Variants in AP3B2 observed in about 807,000 individuals in gnomAD.
AP3B2 encodes the protein adaptor related protein complex 3 subunit beta 2, also known as AP-3 complex subunit beta-2.
A neutral mutation model predicts 126.9 loss-of-function variants in AP3B2; 50 were observed. The observed-to-expected ratio is 0.39, with a 90% confidence interval of 0.31 to 0.50. The LOEUF is 0.50. Ranked by LOEUF, AP3B2 falls within the 20% of genes least tolerant of loss-of-function variation. The pLI is 0.79. For synonymous variants in AP3B2, 541 were observed against 565.0 expected (o/e 0.96, Z 0.60); for missense variants, 1,177 against 1,426.4 (o/e 0.83, Z 2.82).
Position 82,689,185 on chromosome 15 carries a change from C to T in AP3B2, c.237G>A (p.Val79=). 6.2e-7 allele frequency: 1 copy of T among 1,613,988 alleles called. No homozygotes were observed. Among genetic ancestry groups the T allele is most frequent in the Non-Finnish European group, 8.5e-7 (1 of 1,179,892 alleles). The change falls in exon 3 of 27, where the codon GTG becomes GTA. Residue 79 remains valine (V), a synonymous_variant. Coordinates refer to ENST00000535359, the MANE Select transcript of AP3B2 (RefSeq NM_001278512.2). ...CTATGTTCTTACAGGCCACGTTCTT[C>T]ACCACCGCGGGAAACAGGTCTGAAG... is the stretch of plus-strand genomic sequence containing the variant. The part of the protein sequence containing the change: ...KNASDLFPAV[V]KNVACKNIEV...
chr15:82,709,057 A>C (rs2048838070), intron 1 of AP3B2, among the ~76,000 whole-genome samples: 1 of 152,196 alleles, frequency 6.6e-6, no homozygotes, highest in Non-Finnish European at 1.5e-5. Flanking sequence ...GTGGAGCTGA[A>C]CTACAGGGGC....
chr15:82,705,221 G>A (rs1230635354), intron 1 of AP3B2, among the ~76,000 whole-genome samples: 5 of 151,134 alleles, frequency 3.3e-5, no homozygotes, highest in African/African-American at 9.7e-5. Flanking sequence ...CACCCTTACC[G>A]TGCTCAATGT....
In AP3B2 at chr15:82,665,966, GGAGGAGGGCAGCACAGGCCTGTGAGT is replaced by G. The variant is rs1337288444; in HGVS notation, c.1853-417_1853-392del. ...TCTGGATCAGAGTTGAGGCACTGCT[GGAGGAGGGCAGCACAGGCCTGTGAGT>G]GAGGATGGTGTCGGGGAGAAAGGGA... On this transcript the variant is annotated intron_variant, in intron 15 of 26. Coordinates refer to ENST00000535359, the MANE Select transcript of AP3B2 (RefSeq NM_001278512.2). This position sits in a 1 kb window ranked among gnomAD's most constrained non-coding sequence, Gnocchi z 4.4. 6.6e-6 allele frequency among the ~76,000 whole-genome samples: 1 copy of G among 152,180 alleles called. No individual in the cohort carries two copies. The highest frequency in any genetic ancestry group is 1.5e-5 in the Non-Finnish European group (1 of 68,008).
At chr15:82,663,026 C>T (rs948899410) in intron 22 of AP3B2, 101 bp downstream of exon 22, 12 of 1,486,876 alleles carry the variant, frequency 8.1e-6, no homozygotes, top group Non-Finnish European at 1.1e-5. Context: ...AAAGCTATCA[C>T]ATCCTCCATC....
chr15:82,680,577 C>T lies in AP3B2; in HGVS notation c.950G>A (p.Ser317Asn), dbSNP rs1310381151. The T allele has an allele frequency of 1.9e-6, 3 of 1,588,200 alleles. No individual in the cohort carries two copies. Among genetic ancestry groups the T allele is most frequent in the Non-Finnish European group, 1.7e-6 (2 of 1,174,202 alleles). The change falls in exon 8 of 27, where the codon AGC becomes AAC. Residue 317 changes from serine to asparagine, a missense_variant. Around this residue, in one of 5 missense-constraint regions of AP3B2, gnomAD observed 308 missense variants for 452.4 expected, o/e 0.68. Transcript: ENST00000535359. The surrounding 1 kb of genome is among the most constrained non-coding windows in gnomAD (Gnocchi z 6.1). The part of the protein sequence containing the change: ...RNTKPLLQSR[S>N]AAVVMAVAQL... ...CGCCACCGCCATCACCACCGCGGCG[C>T]TGCGGCTCTGCAGCAGGGGTTTGGT... is the stretch of plus-strand genomic sequence containing the variant.
rs199578774 is a variant in AP3B2 at position 82,689,179 on chromosome 15, G to A, written c.243C>T (p.Asn81=). 269 of 1,613,998 alleles carry A rather than the reference G, an allele frequency of 1.7e-4. No individual in the cohort carries two copies. Among genetic ancestry groups the A allele is most frequent in the Middle Eastern group, 4.9e-4 (3 of 6,062 alleles). ...TCACCTCTATGTTCTTACAGGCCAC[G>A]TTCTTCACCACCGCGGGAAACAGGT... ...ASDLFPAVVK[N]VACKNIEVKK... Residue 81 remains asparagine (N), a synonymous_variant, in exon 3 of 27, where the codon AAC becomes AAT. Transcript: ENST00000535359.
At chr15:82,701,461 C>G (rs539731703) in intron 1 of AP3B2, among the ~76,000 whole-genome samples, 1 of 152,270 alleles carries the variant, frequency 6.6e-6, no homozygotes, top group South Asian at 2.1e-4. Flanking sequence ...CTTCCTTGAA[C>G]TGAGTGAGGT....
intron 1 of AP3B2, among the ~76,000 whole-genome samples, chr15:82,700,691 G>A (rs11852237): frequency 1.3e-5 from 2 of 149,352 alleles, no homozygotes; most frequent in East Asian, 2.0e-4. Context: ...GAGCCACCGC[G>A]CCTGGCCTGG....
At chr15:82,704,529 G>A (rs1281418951) in intron 1 of AP3B2, among the ~76,000 whole-genome samples, 4 of 152,230 alleles carry the variant, frequency 2.6e-5, no homozygotes, top group African/African-American at 9.7e-5. Flanking sequence ...CTTGCTTCAA[G>A]TGCCAGAAAT....
intron 1 of AP3B2, among the ~76,000 whole-genome samples, chr15:82,707,951 C>T (rs190973875): frequency 1.3e-5 from 2 of 152,294 alleles, no homozygotes; most frequent in East Asian, 1.9e-4. Flanking sequence ...TACCACCCCC[C>T]GCCAAAATGT....
At chr15:82,689,092 A>T in intron 3 of AP3B2, 66 bp downstream of exon 3, 1 of 1,564,562 alleles carries the variant, frequency 6.4e-7, no homozygotes, top group South Asian at 1.1e-5. Flanking sequence ...TTCCTTCCTC[A>T]CCCCAAGCTT....
At chr15:82,678,976 C>G (rs974348117) in intron 10 of AP3B2, among the ~76,000 whole-genome samples, 2 of 152,116 alleles carry the variant, frequency 1.3e-5, no homozygotes, top group African/African-American at 4.8e-5. Flanking sequence ...TATGGGCTCC[C>G]GCCACTTTCC....
At chr15:82,678,267 A>G in intron 10 of AP3B2, 100 bp from the exon 11 acceptor site, 1 of 1,134,668 alleles carries the variant, frequency 8.8e-7, no homozygotes, top group Non-Finnish European at 1.3e-6. Flanking sequence ...AACAATCCTC[A>G]TGACAGCCCT....
chr15:82,659,837 C>G lies in AP3B2; in HGVS notation c.3155+8G>C. ...CTCATCATTTCCCCTCTACTGGTGG[C>G]CTAGTACCTGTACTCATCAGATGTC... On this transcript the variant is annotated splice_region_variant and intron_variant, in intron 26 of 26. Coordinates refer to ENST00000535359, the MANE Select transcript of AP3B2 (RefSeq NM_001278512.2). 6.2e-7 allele frequency: 1 copy of G among 1,613,854 alleles called. No individual in the cohort carries two copies. The highest frequency in any genetic ancestry group is 1.1e-5 in the South Asian group (1 of 91,074).
At chr15:82,662,044 G>T in intron 24 of AP3B2, 122 bp from the exon 25 acceptor site, 1 of 1,297,484 alleles carries the variant, frequency 7.7e-7, no homozygotes, top group Non-Finnish European at 1.1e-6. Flanking sequence ...GAGGGCCTGA[G>T]ATGGCTTCCA....
rs1373800104 is a variant in AP3B2 at position 82,666,899 on chromosome 15, G to A, written c.1700C>T (p.Ala567Val). The A allele has an allele frequency of 6.2e-7, 1 of 1,613,726 alleles. No homozygotes were observed. The highest frequency in any genetic ancestry group is 8.5e-7 in the Non-Finnish European group (1 of 1,179,804). Residue 567 changes from alanine (A) to valine (V), a missense_variant, in exon 15 of 27, where the codon GCC (alanine) becomes GTC (valine). This residue lies in a region of AP3B2 where 308 missense variants were observed against 452.4 expected (regional missense o/e 0.68). Transcript: ENST00000535359. ...AATATCATAGTTCTGGTCATATTTG[G>A]CCAGACTCAGCACATACTGGGTCAG... ...KLLTQYVLSL[A>V]KYDQNYDIRD...
At chr15:82,676,702 C>G in intron 13 of AP3B2, 65 bp from the exon 14 acceptor site, 4 of 1,539,346 alleles carry the variant, frequency 2.6e-6, no homozygotes, top group Non-Finnish European at 3.5e-6. Context: ...GGATTGTGGA[C>G]TTCCAGGGAA....
rs61213011 is a variant in AP3B2, at chr15:82,683,047, G to GTTT, written c.361-1470_361-1468dup. Among the ~76,000 whole-genome samples the GTTT allele has an allele frequency of 6.7e-3, 519 of 77,710 alleles. 100 individuals carry two copies. Among genetic ancestry groups the GTTT allele is most frequent in the Middle Eastern group, 0.056 (4 of 72 alleles). 51.0% of individuals were successfully genotyped at this position (77,710 alleles called of 152,430 possible). ...AATGTTCACAGCATCTGCACCAGGA[G>GTTT]TTTTTTTTTTTTTTTTTTTTTTTTT... On this transcript the variant is annotated intron_variant, in intron 4 of 26. Transcript: ENST00000535359.
chr15:82,688,265 T>A (rs948648196), intron 4 of AP3B2: 5 of 607,352 alleles, frequency 8.2e-6, no homozygotes, highest in African/African-American at 7.4e-5. Context: ...GACTTATACA[T>A]GCACCTAACA....
Sources: allele counts gnomAD v4.1 joint callset (sites outside exome capture counted in the v4.1 genomes callset), GRCh38; gene constraint gnomAD v4.1.1; regional missense constraint gnomAD v4.1.1; non-coding constraint Gnocchi (gnomAD v3.1); transcripts MANE v1.5; gene names NCBI Gene and HGNC (gene_info 2026-07-23, HGNC 2026-07-21).